LDLRAP1: variants seen among roughly 807,000 people sequenced by gnomAD.
The protein encoded by LDLRAP1 is low density lipoprotein receptor adaptor protein 1, also known as low density lipoprotein receptor adapter protein 1.
A neutral mutation model predicts 37.8 loss-of-function variants in LDLRAP1; 30 were observed. The observed-to-expected ratio is 0.79, with a 90% CI of 0.59 to 1.08. LDLRAP1 has a LOEUF of 1.08. Among genes scored for constraint, LDLRAP1 ranks in the 50% least tolerant of loss-of-function variants. The pLI is 0.00. For synonymous variants in LDLRAP1, 156 were observed against 169.8 expected (o/e 0.92, Z 0.63); for missense variants, 375 against 401.6 (o/e 0.93, Z 0.57).
chr1:25,557,502 C>G (rs2044235618), intron 4 of LDLRAP1: 2 of 582,334 alleles, frequency 3.4e-6, no homozygotes, highest in Admixed American at 3.0e-5. Flanking sequence ...GGCCCATGTC[C>G]CCAGTGTGTG....
chr1:25,567,354 C>A lies in LDLRAP1; in HGVS notation c.*362C>A. 1 of 359,378 alleles carries A rather than the reference C, an allele frequency of 2.8e-6. No individual in the cohort carries two copies. Among genetic ancestry groups the A allele is most frequent in the Non-Finnish European group, 5.3e-6 (1 of 187,096 alleles). 22.3% of individuals were successfully genotyped at this position (359,378 alleles called of 1,614,324 possible). A position where few individuals can be genotyped will look rare whatever the true frequency, so the allele number is the denominator to read the frequency against. On this transcript the variant is annotated 3_prime_UTR_variant, in exon 9 of 9. Coordinates refer to ENST00000374338, the MANE Select transcript of LDLRAP1 (RefSeq NM_015627.3). Reference sequence around the variant, plus strand: ...GTGGGTATCAGGACTGTGACCAAAGCATTTCTAGTCCCTTCTCTCTTTCTA... The same window carrying A: ...GTGGGTATCAGGACTGTGACCAAAGAATTTCTAGTCCCTTCTCTCTTTCTA...
the LDLRAP1 span, among the ~76,000 whole-genome samples, chr1:25,585,807 CA>C: frequency 6.6e-6 from 1 of 152,170 alleles, no homozygotes; most frequent in East Asian, 1.9e-4. Context: ...TGGGCATGAA[CA>C]GGTCAGCCTC....
In LDLRAP1 at chr1:25,544,420, C is replaced by T. The variant is rs896705515; in HGVS notation, c.88+634C>T. On this transcript the variant is annotated intron_variant, in intron 1 of 8. Coordinates refer to ENST00000374338, the MANE Select transcript of LDLRAP1 (RefSeq NM_015627.3). This position sits in a 1 kb window ranked among gnomAD's most constrained non-coding sequence, Gnocchi z 4.8. ...CCACATCAGGCGATCTAGACCCTTA[C>T]GTCCCTTCCTCTAGCCGGGTCCAGG... is the stretch of plus-strand genomic sequence containing the variant. Among the ~76,000 whole-genome samples the T allele has an allele frequency of 6.6e-6, 1 of 152,218 alleles. No homozygotes were observed. The highest frequency in any genetic ancestry group is 2.4e-5 in the African/African-American group (1 of 41,462).
chr1:25,585,717 A>C, the LDLRAP1 span, among the ~76,000 whole-genome samples: 1 of 152,192 alleles, frequency 6.6e-6, no homozygotes, highest in African/African-American at 2.4e-5. Flanking sequence ...GACCCAAGGA[A>C]GGGGCAGTCT....
intron 1 of LDLRAP1, among the ~76,000 whole-genome samples, chr1:25,546,344 T>C (rs2043933367): frequency 6.6e-6 from 1 of 152,224 alleles, no homozygotes; most frequent in Admixed American, 6.5e-5. Context: ...CATTGCTTAT[T>C]TGTGGAGAAA....
At chr1:25,582,423 A>G in the LDLRAP1 span, among the ~76,000 whole-genome samples, 1 of 151,810 alleles carries the variant, frequency 6.6e-6, no homozygotes, top group Admixed American at 6.6e-5. Flanking sequence ...CGTCTCTACT[A>G]AAAATACAAA....
the LDLRAP1 span, among the ~76,000 whole-genome samples, chr1:25,585,925 A>C: frequency 5.3e-5 from 8 of 152,200 alleles, no homozygotes; most frequent in South Asian, 1.7e-3. Context: ...ACTCTCGGTC[A>C]GATTCTTCCT....
At chr1:25,570,046 G>T (rs2044582244), downstream of LDLRAP1, among the ~76,000 whole-genome samples, 1 of 152,196 alleles carries the variant, frequency 6.6e-6, no homozygotes, top group Non-Finnish European at 1.5e-5. Context: ...TGTGGCTTGT[G>T]GGGGTCCACT....
At position 25,555,282 on chromosome 1, in the gene LDLRAP1, C is replaced by T. The variant is rs553089044; in HGVS notation, c.344+310C>T. On this transcript the variant is annotated intron_variant, in intron 3 of 8. Transcript: ENST00000374338. The surrounding 1 kb of genome is among the most constrained non-coding windows in gnomAD (Gnocchi z 4.7). ...ACTCCCCACCAGCATGCCGCTGAGT[C>T]GGGCTTGGAGCAGAGAACTGCAGAG... 6.6e-5 allele frequency among the ~76,000 whole-genome samples: 10 copies of T among 152,346 alleles called. No homozygotes were observed. The highest frequency in any genetic ancestry group is 3.3e-4 in the Admixed American group (5 of 15,304).
chr1:25,563,138 C>A lies in LDLRAP1; in HGVS notation c.601C>A (p.Pro201Thr), dbSNP rs1486457661. ...CCTGGGGGCCCGCCAAGACTGCACC[C>A]CCTCCTTGAAGAGCTGTGAGTCCTG... ...DVLGARQDCT[P>T]SLKSLVATGN... The change falls in exon 6 of 9, where the codon CCC becomes ACC. Residue 201 changes from proline (P) to threonine (T), a missense_variant. Transcript: ENST00000374338. 6.2e-7 allele frequency: 1 copy of A among 1,613,978 alleles called. No individual in the cohort carries two copies. Among genetic ancestry groups the A allele is most frequent in the Admixed American group, 1.7e-5 (1 of 60,030 alleles).
intron 3 of LDLRAP1, 33 bp from the exon 4 acceptor site, chr1:25,557,120 C>T (rs764024151): frequency 4.5e-6 from 7 of 1,541,074 alleles, no homozygotes; most frequent in South Asian, 2.2e-5. Flanking sequence ...GCCCCTGTGC[C>T]AGGTCTGGTG....
At chr1:25,585,262 G>C in the LDLRAP1 span, among the ~76,000 whole-genome samples, 1 of 152,266 alleles carries the variant, frequency 6.6e-6, no homozygotes, top group Non-Finnish European at 1.5e-5. Context: ...GCTCAGAGAG[G>C]TGAGGCGATT....
At position 25,562,723 on chromosome 1, in the gene LDLRAP1, C is replaced by A. The variant is rs574636276; in HGVS notation, c.532+7C>A. The A allele has an allele frequency of 1.9e-6, 3 of 1,613,196 alleles. No individual in the cohort carries two copies. The East Asian group carries it at 6.7e-5, about 36-fold the overall frequency. ...TGGCAGGTGTCCAAGGAAGGTGAGA[C>A]TTTGCATCTACATTGTGGGTGTGGT... is the stretch of plus-strand genomic sequence containing the variant. On this transcript the variant is annotated splice_region_variant and intron_variant, in intron 5 of 8. Coordinates refer to ENST00000374338, the MANE Select transcript of LDLRAP1 (RefSeq NM_015627.3).
chr1:25,549,713 C>T (rs753394258), intron 1 of LDLRAP1, among the ~76,000 whole-genome samples: 8 of 152,180 alleles, frequency 5.3e-5, no homozygotes, highest in South Asian at 2.1e-4. Flanking sequence ...GGGCTCCTCC[C>T]GGCAATAAGG....
At position 25,555,082 on chromosome 1, in the gene LDLRAP1, T is replaced by C; in HGVS notation, c.344+110T>C. The C allele has an allele frequency of 3.8e-6, 3 of 799,772 alleles. No homozygotes were observed. Among genetic ancestry groups the C allele is most frequent in the Non-Finnish European group, 6.5e-6 (3 of 459,428 alleles). The allele number at this position is 799,772 out of a possible 1,614,324, so 49.5% of individuals were successfully genotyped here. On this transcript the variant is annotated intron_variant, in intron 3 of 8. Coordinates refer to ENST00000374338, the MANE Select transcript of LDLRAP1 (RefSeq NM_015627.3). The surrounding 1 kb of genome is among the most constrained non-coding windows in gnomAD (Gnocchi z 4.7). The stretch of plus-strand genomic sequence containing the variant: ...TTCCTACCTGGGTGACATTGGAGCC[T>C]CAGTTTCCTCATCTGTAAAATGGGG...
intron 1 of LDLRAP1, among the ~76,000 whole-genome samples, chr1:25,552,268 C>A (rs1009856299): frequency 6.6e-6 from 1 of 152,234 alleles, no homozygotes; most frequent in Admixed American, 6.5e-5. Flanking sequence ...AGTAGGGGCC[C>A]ACATCCCTGC....
chr1:25,585,362 G>C, the LDLRAP1 span, among the ~76,000 whole-genome samples: 1 of 149,412 alleles, frequency 6.7e-6, no homozygotes, highest in Non-Finnish European at 1.5e-5. Context: ...GTCTCACTCT[G>C]TCGCCCAGGC....
the LDLRAP1 span, among the ~76,000 whole-genome samples, chr1:25,585,694 C>T: frequency 1.3e-5 from 2 of 152,190 alleles, no homozygotes; most frequent in Non-Finnish European, 2.9e-5. Flanking sequence ...TCCTGTGCTC[C>T]GACATCCCAG....
chr1:25,559,711 A>C (rs1416640825), intron 4 of LDLRAP1, among the ~76,000 whole-genome samples: 4 of 152,198 alleles, frequency 2.6e-5, no homozygotes, highest in Non-Finnish European at 5.9e-5. Context: ...AGCCCAACCC[A>C]GGCTGACAGT....
Sources: allele counts gnomAD v4.1 joint callset (sites outside exome capture counted in the v4.1 genomes callset), GRCh38; gene constraint gnomAD v4.1.1; non-coding constraint Gnocchi (gnomAD v3.1); transcripts MANE v1.5; gene names NCBI Gene and HGNC (gene_info 2026-07-23, HGNC 2026-07-21).